POLR3B: variants seen among roughly 807,000 people sequenced by gnomAD.
POLR3B encodes the protein RNA polymerase III subunit B.
Under a neutral mutation model 147.4 loss-of-function variants are expected in POLR3B, and 96 were observed. That is an observed-to-expected ratio of 0.65 (90% CI 0.55 to 0.77). POLR3B has a LOEUF of 0.77. Among genes scored for constraint, POLR3B ranks in the 30% least tolerant of loss-of-function variants. The pLI, the probability that POLR3B is intolerant of heterozygous loss-of-function variation, is 0.00. For missense variants in POLR3B, 1,036 were observed against 1,413.5 expected (o/e 0.73, Z 4.28); for synonymous variants, 461 against 485.9 (o/e 0.95, Z 0.67).
At chr12:106,408,835 A>G (rs1305120153) in intron 11 of POLR3B, among the ~76,000 whole-genome samples, 1 of 152,188 alleles carries the variant, frequency 6.6e-6, no homozygotes, top group African/African-American at 2.4e-5. Flanking sequence ...TCCTGGAAAA[A>G]TATGCTAAGT....
intron 12 of POLR3B, among the ~76,000 whole-genome samples, chr12:106,417,775 A>G (rs1278034744): frequency 6.6e-6 from 1 of 152,062 alleles, no homozygotes; most frequent in Non-Finnish European, 1.5e-5. Flanking sequence ...CCTCACCATC[A>G]ATCCCATTTT....
chr12:106,363,787 G>A (rs2036497540), intron 1 of POLR3B, 83 bp from the exon 2 acceptor site: 7 of 1,076,872 alleles, frequency 6.5e-6, no homozygotes, highest in Non-Finnish European at 9.9e-6. Context: ...ACTTTCCTTT[G>A]CTTATTTTGG....
rs745721628 is a variant in POLR3B at position 106,366,659 on chromosome 12, TAAA to T, written c.165_167del (p.Ile55_Lys56delinsMet). On this transcript the variant is annotated inframe_deletion and splice_region_variant, in exon 4 of 28. Coordinates refer to ENST00000228347, the MANE Select transcript of POLR3B (RefSeq NM_018082.6). ...CTAATGTTGCATTTTCCACTGCAGA[TAAA>T]GAAGATAATGAAAGCCAATGAAAAG... 6.2e-7 allele frequency: 1 copy of T among 1,613,302 alleles called. No individual in the cohort carries two copies. Among genetic ancestry groups the T allele is most frequent in the East Asian group, 2.2e-5 (1 of 44,858 alleles).
chr12:106,432,509 C>T, intron 15 of POLR3B, 29 bp downstream of exon 15: 1 of 1,573,400 alleles, frequency 6.4e-7, no homozygotes. Context: ...CATGTTGGTC[C>T]TAGATAGTCT....
rs554886814 is a variant in POLR3B, at chr12:106,496,110, C to G, written c.2769C>G (p.Ile923Met). 6.2e-7 allele frequency: 1 copy of G among 1,613,268 alleles called. No homozygotes were observed. Among genetic ancestry groups the G allele is most frequent in the South Asian group, 1.1e-5 (1 of 91,068 alleles). ...ACATGCCATTTTGTGATTCTGGCAT[C>G]TGTCCGGACATCATCATGAACCCAC... ...QEDMPFCDSG[I>M]CPDIIMNPHG... The change falls in exon 24 of 28, where the codon ATC (isoleucine) becomes ATG (methionine). Residue 923 changes from isoleucine (I) to methionine (M), a missense_variant. By Grantham distance (10) the Ile-to-Met change is conservative. Coordinates refer to ENST00000228347, the MANE Select transcript of POLR3B (RefSeq NM_018082.6).
chr12:106,477,891 CTTTTTTTT>C (rs34915594), intron 23 of POLR3B, among the ~76,000 whole-genome samples: 7 of 70,548 alleles, frequency 9.9e-5, no homozygotes, highest in African/African-American at 1.7e-4. Context: ...GGCTCCTCCC[CTTTTTTTT>C]TTTTTTTTTT....
intron 10 of POLR3B, among the ~76,000 whole-genome samples, chr12:106,399,658 G>A (rs1287946700): frequency 6.6e-6 from 1 of 152,346 alleles, no homozygotes; most frequent in South Asian, 2.1e-4. Flanking sequence ...CCAGAAGAGA[G>A]TGGGGGCCAA....
intron 19 of POLR3B, among the ~76,000 whole-genome samples, chr12:106,453,186 A>G (rs1290448575): frequency 1.3e-5 from 2 of 151,438 alleles, no homozygotes; most frequent in African/African-American, 4.9e-5. Context: ...TAATTTTTGC[A>G]TTTTTAGTAG....
At chr12:106,439,973 C>T (rs1017805910) in intron 18 of POLR3B, among the ~76,000 whole-genome samples, 3 of 152,114 alleles carry the variant, frequency 2.0e-5, no homozygotes, top group African/African-American at 4.8e-5. Flanking sequence ...GTGGAAGGAT[C>T]ACTTGAGCAC....
chr12:106,415,618 C>T (rs1430508452), intron 12 of POLR3B, among the ~76,000 whole-genome samples: 1 of 152,254 alleles, frequency 6.6e-6, no homozygotes, highest in East Asian at 1.9e-4. Flanking sequence ...TGAAATTTTG[C>T]AAAGCCCAAG....
chr12:106,394,558 G>T (rs2036956064), intron 10 of POLR3B, among the ~76,000 whole-genome samples: 1 of 152,182 alleles, frequency 6.6e-6, no homozygotes, highest in African/African-American at 2.4e-5. Context: ...GTTCCTCAGT[G>T]GCTTCAGTGA....
At chr12:106,358,294 A>T in intron 1 of POLR3B, 1 of 1,236,294 alleles carries the variant, frequency 8.1e-7, no homozygotes, top group Non-Finnish European at 1.0e-6. Context: ...CTTACAGAGG[A>T]CACGGGGCCA....
intron 1 of POLR3B, chr12:106,358,356 C>A: frequency 1.6e-6 from 1 of 632,968 alleles, no homozygotes; most frequent in South Asian, 3.0e-5. Context: ...GGGGGTAAAA[C>A]CAGATCGTCT....
chr12:106,410,439 G>T (rs2037210539), intron 11 of POLR3B: 1 of 240,758 alleles, frequency 4.2e-6, no homozygotes, highest in Admixed American at 5.1e-5. Flanking sequence ...AAAGGAAGAG[G>T]AAACTGCCAG....
At position 106,414,101 on chromosome 12, in the gene POLR3B, T is replaced by C. The variant is rs187341910; in HGVS notation, c.1101+3141T>C. Among the ~76,000 whole-genome samples the C allele has an allele frequency of 2.5e-4, 35 of 137,346 alleles. No individual in the cohort carries two copies. The East Asian group carries it at 6.4e-3, about 25-fold the overall frequency. 90.1% of individuals were successfully genotyped at this position (137,346 alleles called of 152,430 possible). A position where few individuals can be genotyped will look rare whatever the true frequency, so the allele number is the denominator to read the frequency against. ...CTGTATTTTAGCATCTAGAATCTAA[T>C]ATGCCATTAATTATCAGGTGGACCA... is the stretch of plus-strand genomic sequence containing the variant. On this transcript the variant is annotated intron_variant, in intron 12 of 27. Coordinates refer to ENST00000228347, the MANE Select transcript of POLR3B (RefSeq NM_018082.6).
chr12:106,358,287 A>G, intron 1 of POLR3B: 1 of 1,258,074 alleles, frequency 7.9e-7, no homozygotes, highest in African/African-American at 1.5e-5. Flanking sequence ...TTGCAGTCTT[A>G]CAGAGGACAC....
chr12:106,431,983 A>G (rs1052447923), intron 14 of POLR3B, among the ~76,000 whole-genome samples: 98 of 152,298 alleles, frequency 6.4e-4, no homozygotes, highest in Non-Finnish European at 9.1e-4. Context: ...CATCATAATG[A>G]CTGTAATGTT....
rs531500467 is a variant in POLR3B, at chr12:106,398,575, G to A, written c.846+5422G>A. ...GACCCCCGAATAGCCTAACTGGGAG[G>A]CACCCCCCAGTAGGGGCGGACTGAC... is the stretch of plus-strand genomic sequence containing the variant. On this transcript the variant is annotated intron_variant, in intron 10 of 27. Coordinates refer to ENST00000228347, the MANE Select transcript of POLR3B (RefSeq NM_018082.6). Among the ~76,000 whole-genome samples, 24 of 152,274 alleles carry A rather than the reference G, an allele frequency of 1.6e-4. 1 individual carries two copies. The highest frequency in any genetic ancestry group is 5.5e-4 in the African/African-American group (23 of 41,560).
intron 18 of POLR3B, among the ~76,000 whole-genome samples, chr12:106,442,161 A>ATT (rs779536038): frequency 2.7e-5 from 4 of 147,364 alleles, no homozygotes; most frequent in Non-Finnish European, 3.0e-5. Flanking sequence ...AAAGAGAATA[A>ATT]TTTTTTTTTT....
Sources: allele counts gnomAD v4.1 joint callset (sites outside exome capture counted in the v4.1 genomes callset), GRCh38; gene constraint gnomAD v4.1.1; transcripts MANE v1.5; gene names NCBI Gene and HGNC (gene_info 2026-07-23, HGNC 2026-07-21).